GRIN2C: variants seen among roughly 807,000 people sequenced by gnomAD.
GRIN2C encodes glutamate receptor ionotropic, NMDA 2C.
In GRIN2C, 64 loss-of-function variants were observed where a neutral mutation model predicts 77.7. The observed-to-expected ratio is 0.82, with a 90% CI of 0.67 to 1.01. The LOEUF is 1.01. Ranked by LOEUF, GRIN2C falls within the 50% of genes least tolerant of loss-of-function variation. The pLI is 0.00. For missense variants in GRIN2C, 1,549 were observed against 1,486.0 expected (o/e 1.04, Z -0.70); for synonymous variants, 792 against 643.4 (o/e 1.23, Z -3.49).
At chr17:74,845,848 T>C (rs55642835) in intron 11 of GRIN2C, among the ~76,000 whole-genome samples, 2,274 of 151,034 alleles carry the variant, frequency 0.015, 57 homozygotes, top group Non-Finnish European at 0.016. Flanking sequence ...CTTCAGGGAC[T>C]CTCTAGCCCA....
At chr17:74,848,093 C>T (rs1020310639) in intron 7 of GRIN2C, 116 bp from the exon 8 acceptor site, 58 of 1,121,470 alleles carry the variant, frequency 5.2e-5, no homozygotes, top group African/African-American at 3.2e-4. Context: ...ACCAGCTCTG[C>T]GGACCCAGCC....
At position 74,847,532 on chromosome 17, in the gene GRIN2C, C is replaced by T. The variant is rs1375313825; in HGVS notation, c.1777G>A (p.Gly593Arg). 3 of 1,610,926 alleles carry T rather than the reference C, an allele frequency of 1.9e-6. No individual in the cohort carries two copies. Among genetic ancestry groups the T allele is most frequent in the Admixed American group, 1.7e-5 (1 of 59,946 alleles). ...TTGCCGATAGTGAAAGCTGGGCCCC[C>T]GGACTCTGGGGGCAAGAGGCGGGGG... is the stretch of plus-strand genomic sequence containing the variant. Reference protein sequence around the residue: ...NQNLTRGKKSGGPAFTIGKSV... With the variant: ...NQNLTRGKKSRGPAFTIGKSV... Residue 593 changes from glycine (G) to arginine (R), a missense_variant, in exon 9 of 13, where the codon GGG becomes AGG. Around this residue, in one of 3 missense-constraint regions of GRIN2C, gnomAD observed 717 missense variants for 858.1 expected, o/e 0.84. Coordinates refer to ENST00000293190, the MANE Select transcript of GRIN2C (RefSeq NM_000835.6). This position sits in a 1 kb window ranked among gnomAD's most constrained non-coding sequence, Gnocchi z 5.2.
In GRIN2C at chr17:74,844,391, A is replaced by G; in HGVS notation, c.2468T>C (p.Leu823Pro). 5.0e-6 allele frequency: 8 copies of G among 1,614,228 alleles called. No homozygotes were observed. In the East Asian group the frequency reaches 1.8e-4, roughly 36 times the overall value. Reference sequence around the variant, plus strand: ...CAGCAGGGCCAGCCCCATGGCCACCAGCAGCATGTAGAAGACGCCTGCCAT... The same window carrying G: ...CAGCAGGGCCAGCCCCATGGCCACCGGCAGCATGTAGAAGACGCCTGCCAT... ...DNMAGVFYML[L>P]VAMGLALLVF... Residue 823 changes from leucine to proline, a missense_variant, in exon 12 of 13, where the codon CTG (leucine) becomes CCG (proline). Physicochemically the swap from Leu to Pro is moderately conservative, Grantham distance 98 (BLOSUM62 -3). Around this residue, in one of 3 missense-constraint regions of GRIN2C, gnomAD observed 717 missense variants for 858.1 expected, o/e 0.84. Coordinates refer to ENST00000293190, the MANE Select transcript of GRIN2C (RefSeq NM_000835.6).
intron 1 of GRIN2C, among the ~76,000 whole-genome samples, chr17:74,856,407 G>A (rs909722886): frequency 4.6e-5 from 7 of 151,776 alleles, no homozygotes; most frequent in East Asian, 1.9e-4. Flanking sequence ...GATGGGGCCC[G>A]AGACAACTGC....
Position 74,847,582 on chromosome 17 carries a change from C to G in GRIN2C, c.1772-45G>C. On this transcript the variant is annotated intron_variant, in intron 8 of 12. Transcript: ENST00000293190. The surrounding 1 kb of genome is among the most constrained non-coding windows in gnomAD (Gnocchi z 5.2). ...GGATGCTGGAGCTCCTCCTGCCCAC[C>G]ATGAAAGGGCTCAGGGCTCAGCCCA... The G allele has an allele frequency of 7.2e-7, 1 of 1,388,236 alleles. No individual in the cohort carries two copies. Among genetic ancestry groups the G allele is most frequent in the Non-Finnish European group, 1.0e-6 (1 of 992,070 alleles). 86.0% of individuals were successfully genotyped at this position (1,388,236 alleles called of 1,614,324 possible).
In GRIN2C at chr17:74,846,859, G is replaced by A. The variant is rs200788897; in HGVS notation, c.2063C>T (p.Thr688Met). ...GTAGTTACTGCGGATGTTCCGCTCCGTGCTGCCGTTGGGCACCGTGCCGAA... is the reference window on the plus strand; with the variant it reads ...GTAGTTACTGCGGATGTTCCGCTCCATGCTGCCGTTGGGCACCGTGCCGAA... ...FRFGTVPNGS[T>M]ERNIRSNYRD... is the part of the protein sequence containing the mutation. Residue 688 changes from threonine to methionine, a missense_variant, in exon 10 of 13, where the codon ACG (threonine) becomes ATG (methionine). By Grantham distance (81) the Thr-to-Met change is moderately conservative. This residue lies in a region of GRIN2C where 717 missense variants were observed against 858.1 expected (regional missense o/e 0.84). Transcript: ENST00000293190. The surrounding 1 kb of genome is among the most constrained non-coding windows in gnomAD (Gnocchi z 4.4). 21 of 1,614,130 alleles carry A rather than the reference G, an allele frequency of 1.3e-5. No homozygotes were observed. The highest frequency in any genetic ancestry group is 8.0e-5 in the African/African-American group (6 of 75,066).
In GRIN2C at chr17:74,842,579, C is replaced by T. The variant is rs1201516589; in HGVS notation, c.3558G>A (p.Gly1186=). ...SWLSGAWGPL[G]HRGRTLGLGT... is the part of the protein sequence containing the mutation. ...CCAGCCCCAGAGTCCTGCCCCTGTG[C>T]CCCAGAGGCCCCCAGGCCCCGGAGA... The change falls in exon 13 of 13, where the codon GGG becomes GGA. Residue 1186 remains glycine, a synonymous_variant. Coordinates refer to ENST00000293190, the MANE Select transcript of GRIN2C (RefSeq NM_000835.6). 5 of 771,068 alleles carry T rather than the reference C, an allele frequency of 6.5e-6. No individual in the cohort carries two copies. Among genetic ancestry groups the T allele is most frequent in the Non-Finnish European group, 1.2e-5 (5 of 414,124 alleles). The allele number at this position is 771,068 out of a possible 1,614,324, so 47.8% of individuals were successfully genotyped here.
chr17:74,850,350 G>A lies in GRIN2C; in HGVS notation c.1347C>T (p.Tyr449=). Residue 449 remains tyrosine, a synonymous_variant, in exon 6 of 13, where the codon TAC becomes TAT. Transcript: ENST00000293190. This position sits in a 1 kb window ranked among gnomAD's most constrained non-coding sequence, Gnocchi z 5.3. ...AGAATCCCTTACAGCAGAGCTTGGT[G>A]TAGGGGGCCACGTCCCCGCTGCTGC... is the stretch of plus-strand genomic sequence containing the variant. ...HTFSSGDVAP[Y]TKLCCKGFCI... 6.2e-7 allele frequency: 1 copy of A among 1,613,094 alleles called. No individual in the cohort carries two copies. Among genetic ancestry groups the A allele is most frequent in the Non-Finnish European group, 8.5e-7 (1 of 1,179,940 alleles).
intron 2 of GRIN2C, chr17:74,854,392 T>A (rs761617343): frequency 2.4e-5 from 8 of 329,554 alleles, no homozygotes; most frequent in Non-Finnish European, 4.5e-5. Context: ...GTCTTCACCC[T>A]GACCTAGGAA....
rs754644619 is a variant in GRIN2C at position 74,850,519 on chromosome 17, C to G, written c.1325+37G>C. On this transcript the variant is annotated intron_variant, in intron 5 of 12. Transcript: ENST00000293190. This position sits in a 1 kb window ranked among gnomAD's most constrained non-coding sequence, Gnocchi z 5.3. ...GACACCTGACCATCACACGGCAGCA[C>G]CCAGCTCACACTAGCCTCCCAGGGC... 1 of 1,599,434 alleles carries G rather than the reference C, an allele frequency of 6.3e-7. No individual in the cohort carries two copies. Among genetic ancestry groups the G allele is most frequent in the Non-Finnish European group, 8.6e-7 (1 of 1,167,698 alleles).
At position 74,852,288 on chromosome 17, in the gene GRIN2C, C is replaced by A. The variant is rs766649668; in HGVS notation, c.723G>T (p.Ala241=). Residue 241 remains alanine, a synonymous_variant, in exon 3 of 13, where the codon GCG becomes GCT. Transcript: ENST00000293190. ...GGCCGGGCCCCACCAGACCGGCCTG[C>A]GCCGCCTCGGCGAAGAGCACCTCGG... The part of the protein sequence containing the change: ...EEAEVLFAEA[A]QAGLVGPGHV... The A allele has an allele frequency of 1.4e-6, 2 of 1,422,590 alleles. No homozygotes were observed. Among genetic ancestry groups the A allele is most frequent in the South Asian group, 2.9e-5 (2 of 69,186 alleles). The allele number at this position is 1,422,590 out of a possible 1,614,324, so 88.1% of individuals were successfully genotyped here.
At position 74,847,460 on chromosome 17, in the gene GRIN2C, T is replaced by C. The variant is rs1384628217; in HGVS notation, c.1849A>G (p.Ile617Val). 7 of 1,613,840 alleles carry C rather than the reference T, an allele frequency of 4.3e-6. No individual in the cohort carries two copies. The South Asian group carries it at 4.4e-5, about 10-fold the overall frequency. ...WALVFNNSVPIENPRGTTSKI... is the reference protein window; with the variant it reads ...WALVFNNSVPVENPRGTTSKI... ...CTGGTGGTGCCCCGCGGGTTCTCGATGGGCACTGAGTTGTTGAAGACCAGC... is the reference window on the plus strand; with the variant it reads ...CTGGTGGTGCCCCGCGGGTTCTCGACGGGCACTGAGTTGTTGAAGACCAGC... Residue 617 changes from isoleucine (I) to valine (V), a missense_variant, in exon 9 of 13, where the codon ATC (isoleucine) becomes GTC (valine). Physicochemically the swap from Ile to Val is conservative, Grantham distance 29. Transcript: ENST00000293190. This position sits in a 1 kb window ranked among gnomAD's most constrained non-coding sequence, Gnocchi z 5.2.
chr17:74,845,374 C>A (rs894363811), intron 11 of GRIN2C, among the ~76,000 whole-genome samples: 11 of 151,724 alleles, frequency 7.3e-5, no homozygotes, highest in African/African-American at 2.4e-4. Flanking sequence ...AAGGGATCCT[C>A]CTGCCTCAGC....
Position 74,851,597 on chromosome 17 carries a change from G to T in GRIN2C, c.1093C>A (p.Arg365=). The stretch of plus-strand genomic sequence containing the variant: ...CTCACCATCTCCCAGAGGCGGTGCC[G>T]GTTGAGGGCGATCACCACCATGGTG... ...QPTMVVIALN[R]HRLWEMVGRW... Residue 365 remains arginine (R), a synonymous_variant, in exon 4 of 13, where the codon CGG becomes AGG. Transcript: ENST00000293190. 6.4e-7 allele frequency: 1 copy of T among 1,559,716 alleles called. No homozygotes were observed. The highest frequency in any genetic ancestry group is 8.7e-7 in the Non-Finnish European group (1 of 1,150,126).
At chr17:74,843,622 G>A (rs2037372097) in intron 12 of GRIN2C, 69 bp from the exon 13 acceptor site, 1 of 1,511,790 alleles carries the variant, frequency 6.6e-7, no homozygotes, top group South Asian at 1.2e-5. Flanking sequence ...GATTGTCCCT[G>A]CCTGGTCCCA....
chr17:74,854,820 G>A lies in GRIN2C; in HGVS notation c.273C>T (p.His91=), dbSNP rs1164857659. The A allele has an allele frequency of 1.6e-5, 26 of 1,613,694 alleles. No individual in the cohort carries two copies. In the Admixed American group the frequency reaches 1.8e-4, roughly 11 times the overall value. The change falls in exon 2 of 13, where the codon CAC becomes CAT. Residue 91 remains histidine (H), a synonymous_variant. Coordinates refer to ENST00000293190, the MANE Select transcript of GRIN2C (RefSeq NM_000835.6). The part of the protein sequence containing the change: ...ICGLLGAAHV[H]GIVFEDNVDT... ...CCACGTTGTCCTCAAAGACAATGCC[G>A]TGGACGTGGGCAGCACCCAGGAGGC...
rs2037348571 is a variant in GRIN2C, at chr17:74,843,152, C to CGACACTCGGGAGACGT, written c.2969_2984dup (p.Arg997LeufsTer287). ...ACCGCGCCTCCCAGGCTGGGCGGCG[C>CGACACTCGGGAGACGT]GACACTCGGGAGACGTCGGACAGGG... is the stretch of plus-strand genomic sequence containing the variant. On this transcript the variant is annotated frameshift_variant, in exon 13 of 13. Coordinates refer to ENST00000293190, the MANE Select transcript of GRIN2C (RefSeq NM_000835.6). LOFTEE classifies it low-confidence loss of function (END_TRUNC). The CGACACTCGGGAGACGT allele has an allele frequency of 4.8e-6, 2 of 415,650 alleles. No homozygotes were observed. Among genetic ancestry groups the CGACACTCGGGAGACGT allele is most frequent in the Non-Finnish European group, 8.4e-6 (2 of 237,344 alleles). The allele number at this position is 415,650 out of a possible 1,614,324, so 25.7% of individuals were successfully genotyped here.
chr17:74,860,539 G>T (rs1289156722), upstream of GRIN2C: 1 of 455,638 alleles, frequency 2.2e-6, no homozygotes, highest in African/African-American at 2.0e-5. Flanking sequence ...GCCCGCGTAG[G>T]CAGGAAACAG....
rs60038024 is a variant in GRIN2C at position 74,843,874 on chromosome 17, C to CTTT, written c.2584-324_2584-322dup. Reference sequence around the variant, plus strand: ...GCCATGCCACTTCTCAGGACGTTGGCTTTTTTTTTTTTTTTTAGAAACAGG... The same window carrying CTTT: ...GCCATGCCACTTCTCAGGACGTTGGCTTTTTTTTTTTTTTTTTTTAGAAACAGG... On this transcript the variant is annotated intron_variant, in intron 12 of 12. Coordinates refer to ENST00000293190, the MANE Select transcript of GRIN2C (RefSeq NM_000835.6). Among the ~76,000 whole-genome samples the CTTT allele has an allele frequency of 1.9e-3, 263 of 139,724 alleles. 3 individuals carry two copies. The East Asian group carries it at 0.024, about 13-fold the overall frequency. The allele number at this position is 139,724 out of a possible 152,430, so 91.7% of individuals were successfully genotyped here. A position where few individuals can be genotyped will look rare whatever the true frequency, so the allele number is the denominator to read the frequency against.
Sources: gnomAD v4.1 joint callset for allele counts (sites outside exome capture counted in the v4.1 genomes callset) on GRCh38, gnomAD v4.1.1 for gene constraint, gnomAD v4.1.1 regional missense constraint, Gnocchi (gnomAD v3.1) non-coding constraint, MANE v1.5 for transcripts, NCBI Gene and HGNC (gene_info 2026-07-23, HGNC 2026-07-21) for gene names.